CPQ: variants seen among roughly 807,000 people sequenced by gnomAD.
CPQ encodes the protein Ser-Met dipeptidase.
In CPQ, 37 loss-of-function variants were observed where a neutral mutation model predicts 45.7. The observed-to-expected ratio is 0.81, with a 90% CI of 0.62 to 1.07. CPQ has a LOEUF of 1.07. Among genes scored for constraint, CPQ ranks in the 50% least tolerant of loss-of-function variants. The pLI is 0.00. For synonymous variants in CPQ, 186 were observed against 205.8 expected, an observed-to-expected ratio of 0.90 and a Z score of 0.82; for missense variants, 537 against 572.9, an observed-to-expected ratio of 0.94 and a Z score of 0.64.
intron 1 of CPQ, among the ~76,000 whole-genome samples, chr8:96,744,956 T>C (rs935669581): frequency 6.6e-6 from 1 of 152,222 alleles, no homozygotes; most frequent in African/African-American, 2.4e-5. Context: ...CATCCTATTA[T>C]TTTGAACTAT....
intron 2 of CPQ, among the ~76,000 whole-genome samples, chr8:96,814,515 T>C (rs7814447): frequency 0.042 from 6,412 of 152,286 alleles, 178 homozygotes; most frequent in Middle Eastern, 0.099. Flanking sequence ...AATTTATTAG[T>C]GCTAAGAGCT....
At chr8:97,026,095 G>A (rs1251053619) in intron 5 of CPQ, among the ~76,000 whole-genome samples, 1 of 152,192 alleles carries the variant, frequency 6.6e-6, no homozygotes, top group Non-Finnish European at 1.5e-5. Context: ...AAACAAAGGT[G>A]TTCTGGGGCT....
chr8:96,674,783 A>G (rs532981139), intron 1 of CPQ, among the ~76,000 whole-genome samples: 1 of 151,812 alleles, frequency 6.6e-6, no homozygotes, highest in South Asian at 2.1e-4. Context: ...TTTGAAAAAC[A>G]GTTTATCTTT....
chr8:97,130,883 T>C lies in CPQ; in HGVS notation c.1256-12137T>C, dbSNP rs1322840059. On this transcript the variant is annotated intron_variant, in intron 7 of 7. Coordinates refer to ENST00000220763, the MANE Select transcript of CPQ (RefSeq NM_016134.4). The stretch of plus-strand genomic sequence containing the variant: ...CATAATGATTTATAGTAGGTTATAT[T>C]TTAGAAGGTTTTGTGTCAAAAAAAA... 2.7e-5 allele frequency among the ~76,000 whole-genome samples: 4 copies of C among 147,392 alleles called. No individual in the cohort carries two copies. In the East Asian group the frequency reaches 9.1e-4, roughly 33 times the overall value.
chr8:96,780,007 T>C (rs1198192805), intron 1 of CPQ, among the ~76,000 whole-genome samples: 1 of 152,164 alleles, frequency 6.6e-6, no homozygotes, highest in Non-Finnish European at 1.5e-5. Flanking sequence ...TACAGCTTAG[T>C]TGTGAAGGAG....
At chr8:96,856,229 G>A (rs1329564091) in intron 3 of CPQ, among the ~76,000 whole-genome samples, 1 of 152,226 alleles carries the variant, frequency 6.6e-6, no homozygotes, top group Non-Finnish European at 1.5e-5. Context: ...GAGCAGGAAT[G>A]TTGTAAGAAG....
intron 4 of CPQ, among the ~76,000 whole-genome samples, chr8:96,905,760 CAAAAAAAAAA>C (rs747470074): frequency 9.3e-5 from 6 of 64,856 alleles, no homozygotes; most frequent in Admixed American, 1.7e-4. Flanking sequence ...CTGTCTTAAC[CAAAAAAAAAA>C]AAAAAAAAAA....
chr8:96,731,599 G>A (rs1367090372), intron 1 of CPQ, among the ~76,000 whole-genome samples: 1 of 152,116 alleles, frequency 6.6e-6, no homozygotes, highest in African/African-American at 2.4e-5. Context: ...TCCATGAAAT[G>A]ACTCAGGAAA....
At chr8:97,037,238 T>A (rs1423336953) in intron 6 of CPQ, among the ~76,000 whole-genome samples, 2 of 152,230 alleles carry the variant, frequency 1.3e-5, no homozygotes, top group Non-Finnish European at 2.9e-5. Context: ...TTCTTCGTGC[T>A]ATCTGGGCAA....
chr8:96,847,738 T>G (rs929635658), intron 3 of CPQ, among the ~76,000 whole-genome samples: 5 of 152,136 alleles, frequency 3.3e-5, no homozygotes, highest in Non-Finnish European at 7.4e-5. Context: ...TAAAGATCCT[T>G]CATCCCATAC....
At chr8:96,787,626 A>T (rs1810789076) in intron 2 of CPQ, among the ~76,000 whole-genome samples, 1 of 137,208 alleles carries the variant, frequency 7.3e-6, no homozygotes, top group Non-Finnish European at 1.5e-5. Context: ...TTTGGAAGAG[A>T]TTACAACTGA....
chr8:96,776,985 A>G (rs993126079), intron 1 of CPQ, among the ~76,000 whole-genome samples: 3 of 152,196 alleles, frequency 2.0e-5, no homozygotes, highest in African/African-American at 7.2e-5. Flanking sequence ...TTATAAGAAT[A>G]AGGAACACTA....
intron 5 of CPQ, among the ~76,000 whole-genome samples, chr8:97,011,571 G>A (rs1185182626): frequency 6.6e-6 from 1 of 152,114 alleles, no homozygotes; most frequent in African/African-American, 2.4e-5. Flanking sequence ...GCATTAATTG[G>A]ACATTAGGCA....
intron 7 of CPQ, among the ~76,000 whole-genome samples, chr8:97,081,451 G>C (rs929826876): frequency 6.6e-6 from 1 of 152,132 alleles, no homozygotes; most frequent in Non-Finnish European, 1.5e-5. Flanking sequence ...TCACACTCTT[G>C]ACTGTACTTT....
intron 7 of CPQ, among the ~76,000 whole-genome samples, chr8:97,097,461 C>T (rs922440223): frequency 2.6e-5 from 4 of 152,024 alleles, no homozygotes; most frequent in Admixed American, 6.6e-5. Context: ...TATGCAAGTA[C>T]GTATGTGATT....
In CPQ at chr8:96,835,192, T is replaced by G. The variant is rs763162650; in HGVS notation, c.641+12T>G. 135 of 1,433,084 alleles carry G rather than the reference T, an allele frequency of 9.4e-5. No homozygotes were observed. Among genetic ancestry groups the G allele is most frequent in the Non-Finnish European group, 1.2e-4 (132 of 1,084,934 alleles). The allele number at this position is 1,433,084 out of a possible 1,614,324, so 88.8% of individuals were successfully genotyped here. ...TTCTCCATCTACAGGTTTGTCACAA[T>G]GTTCATTTGAATTCCTTTCAAAAAC... On this transcript the variant is annotated intron_variant, in intron 3 of 7. Coordinates refer to ENST00000220763, the MANE Select transcript of CPQ (RefSeq NM_016134.4).
chr8:96,848,759 A>C (rs114834119), intron 3 of CPQ, among the ~76,000 whole-genome samples: 1 of 152,118 alleles, frequency 6.6e-6, no homozygotes, highest in Non-Finnish European at 1.5e-5. Context: ...AGGACATTTT[A>C]TGTTTTTGTA....
At chr8:97,010,922 T>C (rs1314164411) in intron 5 of CPQ, among the ~76,000 whole-genome samples, 3 of 152,204 alleles carry the variant, frequency 2.0e-5, no homozygotes, top group African/African-American at 7.2e-5. Flanking sequence ...TTGACAGTAA[T>C]ATTTTTCTGA....
chr8:97,087,245 A>G (rs767284705), intron 7 of CPQ, among the ~76,000 whole-genome samples: 2 of 152,152 alleles, frequency 1.3e-5, no homozygotes, highest in African/African-American at 4.8e-5. Flanking sequence ...TGACCTGCCA[A>G]ATCTTTCCAC....
Sources: allele counts gnomAD v4.1 joint callset (sites outside exome capture counted in the v4.1 genomes callset), GRCh38; gene constraint gnomAD v4.1.1; transcripts MANE v1.5; gene names NCBI Gene and HGNC (gene_info 2026-07-23, HGNC 2026-07-21).